Variants in IGSF11 observed in about 807,000 individuals in gnomAD.
IGSF11 encodes the protein CXADR like 1.
IGSF11 carries 22 observed loss-of-function variants against 41.0 expected under a neutral mutation model. That is an observed-to-expected ratio of 0.54 (90% CI 0.38 to 0.77). The LOEUF (loss-of-function observed/expected upper bound fraction) is 0.77. IGSF11 is among the 30% of genes least tolerant of loss of function. The probability of loss-of-function intolerance (pLI) is 0.00; values close to 1 mark genes in which losing one functional copy is unlikely to be tolerated. For synonymous variants in IGSF11, 219 were observed against 201.3 expected, an observed-to-expected ratio of 1.09 and a Z score of -0.74; for missense variants, 444 against 530.8, an observed-to-expected ratio of 0.84 and a Z score of 1.61.
At chr3:118,922,249 A>G (rs1941873270) in intron 4 of IGSF11, among the ~76,000 whole-genome samples, 1 of 152,164 alleles carries the variant, frequency 6.6e-6, no homozygotes, top group African/African-American at 2.4e-5. Flanking sequence ...TTCCTTGTGC[A>G]TTATGCAATT....
At chr3:119,108,047 C>G (rs1217111078), upstream of IGSF11, among the ~76,000 whole-genome samples, 4 of 151,724 alleles carry the variant, frequency 2.6e-5, no homozygotes, top group East Asian at 7.7e-4. Flanking sequence ...ATTCTTTTGG[C>G]TTAGGATTGA....
At position 119,133,613 on chromosome 3, in the gene IGSF11, G is replaced by A. The variant is rs1176595033; in HGVS notation, c.-14+12200C>T. ...AACCAAAAAAAGTCCAGGACCAGACGGATTCACAGCCAAATTCTAAAAGAG... is the reference window on the plus strand; with the variant it reads ...AACCAAAAAAAGTCCAGGACCAGACAGATTCACAGCCAAATTCTAAAAGAG... On this transcript the variant is annotated intron_variant, in intron 1 of 7. Transcript: ENST00000425327. Among the ~76,000 whole-genome samples the A allele has an allele frequency of 4.6e-5, 7 of 152,158 alleles. No homozygotes were observed. In the East Asian group the frequency reaches 7.7e-4, roughly 17 times the overall value.
intron 1 of IGSF11, among the ~76,000 whole-genome samples, chr3:119,023,329 C>A: frequency 7.1e-6 from 1 of 140,070 alleles, no homozygotes; most frequent in African/African-American, 2.7e-5. Context: ...AAGAAGATCA[C>A]GAAGATGAAA....
chr3:118,934,645 G>A (rs1032934517), intron 1 of IGSF11, among the ~76,000 whole-genome samples: 1 of 152,150 alleles, frequency 6.6e-6, no homozygotes, highest in Non-Finnish European at 1.5e-5. Flanking sequence ...CCTCAAAAGT[G>A]TGCTTGTCCA....
intron 1 of IGSF11, among the ~76,000 whole-genome samples, chr3:119,097,441 C>G (rs573095310): frequency 0.02 from 2,971 of 152,126 alleles, 83 homozygotes; most frequent in African/African-American, 0.067. Context: ...GAGCAAACTG[C>G]TTATGGAGAG....
chr3:119,099,093 C>A (rs2076900697), intron 1 of IGSF11, among the ~76,000 whole-genome samples: 1 of 152,106 alleles, frequency 6.6e-6, no homozygotes, highest in African/African-American at 2.4e-5. Context: ...AAAAAAAGGT[C>A]ACAGGTGCAG....
chr3:118,944,832 G>A (rs1943993955), intron 1 of IGSF11: 1 of 152,282 alleles, frequency 6.6e-6, no homozygotes, highest in South Asian at 2.1e-4. Flanking sequence ...AAGACTTGGA[G>A]GTGATATGAT....
At chr3:119,095,315 C>A (rs915702761) in intron 1 of IGSF11, among the ~76,000 whole-genome samples, 2 of 151,986 alleles carry the variant, frequency 1.3e-5, no homozygotes, top group Non-Finnish European at 2.9e-5. Flanking sequence ...AACAATGAAC[C>A]AAGCAGACAT....
At chr3:118,923,935 C>T (rs773574321) in intron 4 of IGSF11, among the ~76,000 whole-genome samples, 3 of 152,132 alleles carry the variant, frequency 2.0e-5, no homozygotes, top group Non-Finnish European at 4.4e-5. Context: ...CTCTCCCTTA[C>T]GAAGTTACTT....
At chr3:119,039,616 A>G (rs767919713), upstream of IGSF11, among the ~76,000 whole-genome samples, 4 of 152,150 alleles carry the variant, frequency 2.6e-5, no homozygotes, top group Non-Finnish European at 4.4e-5. Context: ...ACAAGACCCT[A>G]CTGGATCTAG....
At chr3:119,005,486 G>A (rs1937405417) in intron 1 of IGSF11, among the ~76,000 whole-genome samples, 1 of 149,156 alleles carries the variant, frequency 6.7e-6, no homozygotes, top group Admixed American at 6.6e-5. Flanking sequence ...AGTGTTATGT[G>A]TGAATTTAAT....
chr3:119,126,445 G>C (rs983642116), intron 1 of IGSF11, among the ~76,000 whole-genome samples: 1 of 152,218 alleles, frequency 6.6e-6, no homozygotes, highest in African/African-American at 2.4e-5. Context: ...TGATCCTCCT[G>C]GTGGTTCTGA....
At chr3:119,104,626 C>T (rs1236182283) in intron 1 of IGSF11, among the ~76,000 whole-genome samples, 1 of 152,064 alleles carries the variant, frequency 6.6e-6, no homozygotes, top group Non-Finnish European at 1.5e-5. Context: ...AAAATTGAAC[C>T]TTTAAAAGGT....
At chr3:118,978,908 G>A (rs562730471) in intron 1 of IGSF11, among the ~76,000 whole-genome samples, 93 of 152,200 alleles carry the variant, frequency 6.1e-4, no homozygotes, top group African/African-American at 2.0e-3. Context: ...AAGGGAACAC[G>A]TTATCCAGCA....
chr3:119,073,145 T>G (rs899711995), intron 1 of IGSF11, among the ~76,000 whole-genome samples: 3 of 151,870 alleles, frequency 2.0e-5, no homozygotes, highest in East Asian at 2.0e-4. Context: ...CTGATTGGTG[T>G]ATTTACAATC....
rs771641961 is a variant in IGSF11, at chr3:118,902,598, G to A, written c.1218C>T (p.Ile406=). The part of the protein sequence containing the change: ...PRPPHTHSYT[I]SHATLERIGA... ...CAATTCGTTCCAGTGTTGCGTGGCT[G>A]ATGGTGTAGGAATGAGTGTGTGGAG... is the stretch of plus-strand genomic sequence containing the variant. The change falls in exon 7 of 7, where the codon ATC becomes ATT. Residue 406 remains isoleucine, a synonymous_variant. Transcript: ENST00000393775. 3 of 1,614,112 alleles carry A rather than the reference G, an allele frequency of 1.9e-6. No homozygotes were observed. In the East Asian group the frequency reaches 6.7e-5, roughly 36 times the overall value.
At chr3:118,979,809 G>A (rs1371675501) in intron 1 of IGSF11, among the ~76,000 whole-genome samples, 3 of 152,014 alleles carry the variant, frequency 2.0e-5, no homozygotes, top group Non-Finnish European at 4.4e-5. Context: ...TCCAGAATAT[G>A]CAATCAACAG....
chr3:118,930,236 C>T lies in IGSF11; in HGVS notation c.92G>A (p.Ser31Asn). 6.2e-7 allele frequency: 1 copy of T among 1,613,864 alleles called. No individual in the cohort carries two copies. Among genetic ancestry groups the T allele is most frequent in the Non-Finnish European group, 8.5e-7 (1 of 1,179,838 alleles). ...ASLEVSESPG[S>N]IQVARGQPAV... ...TGGCTGACCCCGGGCCACCTGGATA[C>T]TCCCAGGGCTCTCTGACACTTCCAG... The change falls in exon 2 of 7, where the codon AGT becomes AAT. Residue 31 changes from serine to asparagine, a missense_variant. Physicochemically the swap from Ser to Asn is conservative, Grantham distance 46. Transcript: ENST00000393775.
intron 1 of IGSF11, among the ~76,000 whole-genome samples, chr3:119,024,090 C>T (rs1361398007): frequency 2.0e-5 from 3 of 152,124 alleles, no homozygotes; most frequent in African/African-American, 7.2e-5. Context: ...AGATAACTCC[C>T]TAAATTCAAA....
Sources: gnomAD v4.1 joint callset for allele counts (sites outside exome capture counted in the v4.1 genomes callset) on GRCh38, gnomAD v4.1.1 for gene constraint, MANE v1.5 for transcripts, NCBI Gene and HGNC (gene_info 2026-07-23, HGNC 2026-07-21) for gene names.